Variants in ATRX observed in about 807,000 individuals in gnomAD.
ATRX encodes the protein chromatin remodeler ATRX.
A neutral mutation model predicts 172.6 loss-of-function variants in ATRX; 12 were observed. The ratio of observed to expected loss-of-function variants is 0.07; its 90% CI spans 0.04 to 0.11. The LOEUF is 0.11. Among genes scored for constraint, ATRX ranks in the 10% least tolerant of loss-of-function variants. ATRX has a pLI of 1.00. For missense variants in ATRX, 1,368 were observed against 1,767.4 expected, an observed-to-expected ratio of 0.77 and a Z score of 4.05; for synonymous variants, 674 against 594.7, an observed-to-expected ratio of 1.13 and a Z score of -1.94.
chrX:77,630,711 C>T (rs1351125797), intron 19 of ATRX, among the ~76,000 whole-genome samples: 4 of 111,719 alleles, frequency 3.6e-5, no homozygotes, highest in Admixed American at 9.5e-5. Context: ...TGGACTCCCA[C>T]CTCATGCCAT....
rs1426157056 is a variant in ATRX, at chrX:77,638,702, G to T, written c.4558-2646C>A. ...ACTACAAATAAGTCACAGATTTGCAGTAAATTATCTGAATAGATATTGTAC... is the reference window on the plus strand; with the variant it reads ...ACTACAAATAAGTCACAGATTTGCATTAAATTATCTGAATAGATATTGTAC... On this transcript the variant is annotated intron_variant, in intron 15 of 34. Transcript: ENST00000373344. Among the ~76,000 whole-genome samples, 5 of 112,636 alleles carry T rather than the reference G, an allele frequency of 4.4e-5. No homozygotes were observed. The Admixed American group carries it at 4.7e-4, about 11-fold the overall frequency.
At chrX:77,612,460 C>T (rs956363298) in intron 22 of ATRX, among the ~76,000 whole-genome samples, 4 of 110,450 alleles carry the variant, frequency 3.6e-5, no homozygotes, top group Admixed American at 9.7e-5. Flanking sequence ...GGACAAATAC[C>T]TAATCCATGT....
chrX:77,590,593 CAG>C (rs1327101550), intron 26 of ATRX, among the ~76,000 whole-genome samples: 1 of 91,856 alleles, frequency 1.1e-5, no homozygotes, highest in Non-Finnish European at 2.1e-5. Flanking sequence ...GCTTGGGTGA[CAG>C]AGCGAGACTC....
intron 1 of ATRX, among the ~76,000 whole-genome samples, chrX:77,724,108 G>A (rs782308955): frequency 4.5e-5 from 5 of 110,110 alleles, no homozygotes; most frequent in Non-Finnish European, 5.7e-5. Flanking sequence ...GTGAAACCCC[G>A]TCTCCCCTAG....
intron 1 of ATRX, among the ~76,000 whole-genome samples, chrX:77,776,666 A>C: frequency 8.9e-6 from 1 of 112,396 alleles, no homozygotes; most frequent in East Asian, 2.8e-4. Flanking sequence ...CTTTACTTTG[A>C]AAAAGACCTG....
chrX:77,624,958 A>G (rs1184441185), intron 19 of ATRX, among the ~76,000 whole-genome samples: 3 of 111,862 alleles, frequency 2.7e-5, no homozygotes, highest in Non-Finnish European at 5.6e-5. Context: ...AAAAAGAACA[A>G]ATCTGGAGGC....
chrX:77,519,836 T>C (rs1377085675), intron 34 of ATRX, among the ~76,000 whole-genome samples: 1 of 111,631 alleles, frequency 9.0e-6, no homozygotes, highest in Non-Finnish European at 1.9e-5. Context: ...AATCAGTATA[T>C]TGAAGAGGTA....
At chrX:77,555,893 G>C (rs1177435991) in intron 30 of ATRX, among the ~76,000 whole-genome samples, 1 of 109,715 alleles carries the variant, frequency 9.1e-6, no homozygotes, top group Non-Finnish European at 1.9e-5. Context: ...CAAAAAAAAG[G>C]ACCAGGCGCG....
intron 22 of ATRX, among the ~76,000 whole-genome samples, chrX:77,607,708 C>CAAAAAAAAA (rs35946932): frequency 2.4e-4 from 10 of 41,143 alleles, no homozygotes; most frequent in Non-Finnish European, 3.4e-4. Context: ...GACTCTGTCT[C>CAAAAAAAAA]AAAAAAAAAA....
At chrX:77,661,091 A>T (rs1201905074) in intron 12 of ATRX, among the ~76,000 whole-genome samples, 3 of 112,022 alleles carry the variant, frequency 2.7e-5, no homozygotes, top group African/African-American at 9.7e-5. Flanking sequence ...AAAATCTTTC[A>T]ATAGGGAAAA....
intron 13 of ATRX, among the ~76,000 whole-genome samples, chrX:77,655,005 G>A (rs2069469973): frequency 9.0e-6 from 1 of 111,201 alleles, no homozygotes; most frequent in South Asian, 3.7e-4. Context: ...TGAAGCTGGA[G>A]CACATGATGC....
intron 15 of ATRX, among the ~76,000 whole-genome samples, chrX:77,640,355 T>C (rs2068594601): frequency 9.2e-6 from 1 of 108,551 alleles, no homozygotes; most frequent in Non-Finnish European, 1.9e-5. Context: ...AAATGATAAA[T>C]ACACAGCAAT....
chrX:77,752,823 G>A (rs1229041860), intron 1 of ATRX, among the ~76,000 whole-genome samples: 1 of 111,646 alleles, frequency 9.0e-6, no homozygotes, highest in Non-Finnish European at 1.9e-5. Flanking sequence ...AAGCAGACTT[G>A]ATAATGGTGG....
intron 32 of ATRX, 57 bp from the exon 33 acceptor site, chrX:77,521,555 T>A: frequency 1.1e-6 from 1 of 949,977 alleles, no homozygotes; most frequent in Non-Finnish European, 1.5e-6. Context: ...AGTGTTAAAG[T>A]ATAGGGAATC....
intron 1 of ATRX, chrX:77,727,849 CTG>C (rs1413267514): frequency 9.0e-6 from 1 of 111,670 alleles, no homozygotes; most frequent in Non-Finnish European, 1.9e-5. Context: ...AAATACAAAA[CTG>C]AGAGTTTTAA....
intron 30 of ATRX, among the ~76,000 whole-genome samples, chrX:77,525,196 T>C (rs189888671): frequency 7.6e-4 from 85 of 112,468 alleles, no homozygotes; most frequent in African/African-American, 1.5e-3. Context: ...CTCACGCCAA[T>C]GTAGAAACTT....
intron 30 of ATRX, among the ~76,000 whole-genome samples, chrX:77,529,410 G>A (rs1381778465): frequency 1.8e-5 from 2 of 111,435 alleles, no homozygotes; most frequent in Admixed American, 1.9e-4. Flanking sequence ...CAGAGAGAAA[G>A]GCCAGGTCAC....
intron 30 of ATRX, among the ~76,000 whole-genome samples, chrX:77,530,093 C>A (rs782029896): frequency 1.9e-4 from 21 of 111,896 alleles, no homozygotes; most frequent in African/African-American, 5.8e-4. Flanking sequence ...TCATAACAGT[C>A]TCTTAGACCA....
rs2072253922 is a variant in ATRX, at chrX:77,697,592, C to T, written c.233G>A (p.Arg78Gln). The T allele has an allele frequency of 1.7e-6, 2 of 1,210,215 alleles. No individual in the cohort carries two copies. Among genetic ancestry groups the T allele is most frequent in the Non-Finnish European group, 2.2e-6 (2 of 894,636 alleles). ...SEKSKSSGSSRSKRKPSIVTK... is the reference protein window; with the variant it reads ...SEKSKSSGSSQSKRKPSIVTK... ...TTCAACATCAACCAACCTCTTTGAT[C>T]GTGACGATCCTGAAGACTTGGATTT... Residue 78 changes from arginine (R) to glutamine (Q), a missense_variant, in exon 4 of 35, where the codon CGA (arginine) becomes CAA (glutamine). By Grantham distance (43) the Arg-to-Gln change is conservative. This residue lies in a region of ATRX where 84 missense variants were observed against 82.8 expected (regional missense o/e 1.01). Coordinates refer to ENST00000373344, the MANE Select transcript of ATRX (RefSeq NM_000489.6).
Sources: allele counts gnomAD v4.1 joint callset (sites outside exome capture counted in the v4.1 genomes callset), GRCh38; gene constraint gnomAD v4.1.1; regional missense constraint gnomAD v4.1.1; transcripts MANE v1.5; gene names NCBI Gene and HGNC (gene_info 2026-07-23, HGNC 2026-07-21).